The following TBCE variants were observed in gnomAD, a reference collection of about 807,000 sequenced individuals.
TBCE encodes tubulin folding cofactor E, also known as tubulin-specific chaperone E.
In TBCE, 53 loss-of-function variants were observed where a neutral mutation model predicts 77.0. The observed-to-expected ratio is 0.69, with a 90% CI of 0.55 to 0.87. TBCE has a LOEUF of 0.87. Ranked by LOEUF, TBCE falls within the 40% of genes least tolerant of loss-of-function variation. The pLI, the probability that TBCE is intolerant of heterozygous loss-of-function variation, is 0.00. For missense variants in TBCE, 624 were observed against 622.4 expected, an observed-to-expected ratio of 1.00 and a Z score of -0.03; for synonymous variants, 235 against 241.3, an observed-to-expected ratio of 0.97 and a Z score of 0.24.
intron 5 of TBCE, among the ~76,000 whole-genome samples, chr1:235,420,481 ATTTT>A (rs36062739): frequency 4.9e-4 from 53 of 107,090 alleles, no homozygotes; most frequent in African/African-American, 1.5e-3. Flanking sequence ...TGTCTGGCTA[ATTTT>A]TTTTTTTTTT....
chr1:235,418,864 A>G (rs1211625185), intron 4 of TBCE, among the ~76,000 whole-genome samples: 2 of 152,266 alleles, frequency 1.3e-5, no homozygotes, highest in Non-Finnish European at 2.9e-5. Flanking sequence ...ATATATGGTA[A>G]AAATATTAAG....
At chr1:235,396,199 C>T (rs1024207309) in intron 2 of TBCE, among the ~76,000 whole-genome samples, 1 of 152,038 alleles carries the variant, frequency 6.6e-6, no homozygotes, top group South Asian at 2.1e-4. Context: ...GCTGGGACTA[C>T]GGGTGCCCAC....
intron 2 of TBCE, among the ~76,000 whole-genome samples, chr1:235,394,010 G>A (rs1031700000): frequency 6.6e-6 from 1 of 152,166 alleles, no homozygotes; most frequent in Non-Finnish European, 1.5e-5. Context: ...ATTTCAGGGT[G>A]CATATTGTAG....
chr1:235,411,502 C>T (rs1679781372), intron 3 of TBCE, among the ~76,000 whole-genome samples: 1 of 152,160 alleles, frequency 6.6e-6, no homozygotes, highest in Non-Finnish European at 1.5e-5. Context: ...GAAAGGGGTC[C>T]TGATCCAGGC....
At chr1:235,401,478 C>A in intron 2 of TBCE, 25 bp from the exon 3 acceptor site, 1 of 1,595,938 alleles carries the variant, frequency 6.3e-7, no homozygotes, top group South Asian at 1.1e-5. Flanking sequence ...ATCTGTTACT[C>A]ATTTGGTTTT....
At chr1:235,407,570 C>T (rs544606725) in intron 3 of TBCE, among the ~76,000 whole-genome samples, 1 of 152,232 alleles carries the variant, frequency 6.6e-6, no homozygotes, top group Admixed American at 6.5e-5. Flanking sequence ...CTTCAGGTTA[C>T]AACAGGCAGT....
chr1:235,385,142 A>C (rs1677914896), intron 2 of TBCE, among the ~76,000 whole-genome samples: 1 of 152,164 alleles, frequency 6.6e-6, no homozygotes, highest in Non-Finnish European at 1.5e-5. Flanking sequence ...TGAGTTTCTT[A>C]ATCCTGAATT....
At chr1:235,423,097 C>T (rs190619619) in intron 5 of TBCE, among the ~76,000 whole-genome samples, 77 of 152,256 alleles carry the variant, frequency 5.1e-4, no homozygotes, top group Non-Finnish European at 6.9e-4. Flanking sequence ...GTGCTTAATC[C>T]AGTCATCCTT....
At position 235,437,352 on chromosome 1, in the gene TBCE, C is replaced by T. The variant is rs759973845; in HGVS notation, c.994C>T (p.Pro332Ser). ...WSFFNELEKL[P>S]SLRALSCLRN... ...GTTTTTCAATGAGCTAGAGAAGTTACCAAGTCTACGGGCTTTGTCCTGCCT... is the reference window on the plus strand; with the variant it reads ...GTTTTTCAATGAGCTAGAGAAGTTATCAAGTCTACGGGCTTTGTCCTGCCT... Residue 332 changes from proline to serine, a missense_variant, in exon 12 of 17, where the codon CCA becomes TCA. Pro to Ser is a moderately conservative substitution (Grantham distance 74). Coordinates refer to ENST00000642610, the MANE Select transcript of TBCE (RefSeq NM_003193.5). The T allele has an allele frequency of 2.5e-6, 4 of 1,613,848 alleles. No homozygotes were observed. In the East Asian group the frequency reaches 6.7e-5, roughly 27 times the overall value.
chr1:235,372,609 C>T (rs533211606), intron 1 of TBCE, among the ~76,000 whole-genome samples: 2 of 151,642 alleles, frequency 1.3e-5, no homozygotes, highest in Non-Finnish European at 2.9e-5. Context: ...TAGAGAGATC[C>T]CTTCTCTACC....
intron 1 of TBCE, among the ~76,000 whole-genome samples, chr1:235,378,946 C>T (rs1271992799): frequency 3.3e-5 from 5 of 152,150 alleles, no homozygotes; most frequent in African/African-American, 4.8e-5. Flanking sequence ...AAAAGGGGCA[C>T]GGATTTTTAA....
At chr1:235,429,506 A>T (rs1680963863) in intron 6 of TBCE, 1 of 152,152 alleles carries the variant, frequency 6.6e-6, no homozygotes, top group African/African-American at 2.4e-5. Context: ...AGGAGAGGTG[A>T]TATTATTAAA....
intron 2 of TBCE, 45 bp from the exon 3 acceptor site, chr1:235,401,458 C>A: frequency 6.6e-7 from 1 of 1,526,548 alleles, no homozygotes; most frequent in South Asian, 1.1e-5. Context: ...GGAGCATTGC[C>A]TGTATCATCA....
Position 235,448,653 on chromosome 1 carries a change from C to T in TBCE, c.1492-17C>T. On this transcript the variant is annotated splice_polypyrimidine_tract_variant and intron_variant, in intron 16 of 16. Transcript: ENST00000642610. Reference sequence around the variant, plus strand: ...CTGTCTTAATCACATCCTTCCCCACCTTCGTTCTAATTTTAGAAGCCGGGC... The same window carrying T: ...CTGTCTTAATCACATCCTTCCCCACTTTCGTTCTAATTTTAGAAGCCGGGC... The T allele has an allele frequency of 6.2e-7, 1 of 1,605,896 alleles. No homozygotes were observed. The highest frequency in any genetic ancestry group is 1.3e-5 in the African/African-American group (1 of 74,840).
rs547404407 is a variant in TBCE at position 235,427,252 on chromosome 1, GGT to G, written c.560+14_560+15del. 3 of 1,569,388 alleles carry G rather than the reference GGT, an allele frequency of 1.9e-6. No individual in the cohort carries two copies. The highest frequency in any genetic ancestry group is 2.6e-6 in the Non-Finnish European group (3 of 1,139,988). Reference sequence around the variant, plus strand: ...TCCTTAATGTCAGGTATGAACTCTTGGTTGCTGAATCTTCATTAACAATAAAG... The same window carrying G: ...TCCTTAATGTCAGGTATGAACTCTTGTGCTGAATCTTCATTAACAATAAAG... On this transcript the variant is annotated intron_variant, in intron 6 of 16. Coordinates refer to ENST00000642610, the MANE Select transcript of TBCE (RefSeq NM_003193.5).
chr1:235,434,578 G>A (rs567908781), intron 8 of TBCE, among the ~76,000 whole-genome samples: 139 of 137,236 alleles, frequency 1.0e-3, no homozygotes, highest in African/African-American at 3.6e-3. Context: ...TCACTCTGTC[G>A]CCCAGGCTGG....
In TBCE at chr1:235,436,602, A is replaced by G; in HGVS notation, c.957A>G (p.Ile319Met). The change falls in exon 11 of 17, where the codon ATA (isoleucine) becomes ATG (methionine). Residue 319 changes from isoleucine to methionine, a missense_variant. Physicochemically the swap from Ile to Met is conservative, Grantham distance 10. Coordinates refer to ENST00000642610, the MANE Select transcript of TBCE (RefSeq NM_003193.5). ...ACCTGGTAGTAAACGACAATCAGAT[A>G]TCACAAGTAAGAGCTGCTCGGAGTA... Reference protein sequence around the residue: ...LKYLVVNDNQISQWSFFNELE... With the variant: ...LKYLVVNDNQMSQWSFFNELE... The G allele has an allele frequency of 6.2e-7, 1 of 1,613,758 alleles. No individual in the cohort carries two copies. Among genetic ancestry groups the G allele is most frequent in the East Asian group, 2.2e-5 (1 of 44,884 alleles).
In TBCE at chr1:235,380,158, TTATTGTGTGTGTGTGTGTG is replaced by T; in HGVS notation, c.100+11_100+29del. Reference sequence around the variant, plus strand: ...TGTCCCTCCCGTGGCAGGTAAGCAATTATTGTGTGTGTGTGTGTGTGTGTGTGTGTGTGTGTGTGTGTGT... The same window carrying T: ...TGTCCCTCCCGTGGCAGGTAAGCAATTGTGTGTGTGTGTGTGTGTGTGTGT... On this transcript the variant is annotated intron_variant, in intron 2 of 16. Transcript: ENST00000642610. 3 of 1,555,264 alleles carry T rather than the reference TTATTGTGTGTGTGTGTGTG, an allele frequency of 1.9e-6. No individual in the cohort carries two copies. The highest frequency in any genetic ancestry group is 2.6e-6 in the Non-Finnish European group (3 of 1,139,748).
intron 1 of TBCE, among the ~76,000 whole-genome samples, chr1:235,368,552 CTTTTTTTTTT>C (rs757168655): frequency 2.0e-5 from 1 of 49,770 alleles, no homozygotes; most frequent in South Asian, 8.3e-4. Context: ...GGACAGCCTG[CTTTTTTTTTT>C]TTTTTTTTTT....
Sources: gnomAD v4.1 joint callset for allele counts (sites outside exome capture counted in the v4.1 genomes callset) on GRCh38, gnomAD v4.1.1 for gene constraint, MANE v1.5 for transcripts, NCBI Gene and HGNC (gene_info 2026-07-23, HGNC 2026-07-21) for gene names.